The following TTC39B variants were observed in gnomAD, a reference collection of about 807,000 sequenced individuals.
TTC39B encodes the protein tetratricopeptide repeat protein 39B.
In TTC39B, 92 loss-of-function variants were observed where a neutral mutation model predicts 96.6. The ratio of observed to expected loss-of-function variants is 0.95; its 90% CI spans 0.80 to 1.13. The LOEUF (loss-of-function observed/expected upper bound fraction) is 1.13, where lower values mean the gene tolerates loss of function less well. Among genes scored for constraint, TTC39B ranks in the 50% most tolerant of loss-of-function variants. TTC39B has a pLI of 0.00. For synonymous variants in TTC39B, 367 were observed against 299.4 expected (o/e 1.23, Z -2.33); for missense variants, 955 against 809.3 (o/e 1.18, Z -2.18).
intron 2 of TTC39B, among the ~76,000 whole-genome samples, chr9:15,243,382 G>C (rs534774168): frequency 1.4e-4 from 22 of 152,292 alleles, no homozygotes; most frequent in African/African-American, 5.3e-4. Context: ...AAGGAGAACA[G>C]TTGAAAAGAA....
At chr9:15,199,967 A>T in intron 7 of TTC39B, 42 bp from the exon 8 acceptor site, 1 of 1,177,312 alleles carries the variant, frequency 8.5e-7, no homozygotes, top group South Asian at 1.4e-5. Context: ...TTTAGCAAAA[A>T]ATTTTAAATT....
intron 6 of TTC39B, among the ~76,000 whole-genome samples, chr9:15,207,989 A>G (rs1317068443): frequency 1.1e-5 from 1 of 87,502 alleles, no homozygotes; most frequent in African/African-American, 3.9e-5. Flanking sequence ...GTCTCAAAAA[A>G]AAAAAAAAAA....
At chr9:15,181,765 T>C (rs1564315536) in intron 17 of TTC39B, among the ~76,000 whole-genome samples, 1 of 152,238 alleles carries the variant, frequency 6.6e-6, no homozygotes, top group South Asian at 2.1e-4. Flanking sequence ...CGTTTCCTTG[T>C]GCTGCGCTAA....
chr9:15,217,278 C>T lies in TTC39B; in HGVS notation c.372-3029G>A, dbSNP rs936063398. Among the ~76,000 whole-genome samples the T allele has an allele frequency of 4.6e-5, 7 of 152,168 alleles. No homozygotes were observed. In the East Asian group the frequency reaches 7.7e-4, roughly 17 times the overall value. ...TCCCATTTTAACTCCTGCCAATTCT[C>T]GCTAAGGTTACACCTCATCCTTCAT... is the stretch of plus-strand genomic sequence containing the variant. On this transcript the variant is annotated intron_variant, in intron 3 of 19. Coordinates refer to ENST00000512701, the Ensembl canonical transcript of TTC39B.
chr9:15,272,741 T>G (rs567722395), intron 1 of TTC39B, among the ~76,000 whole-genome samples: 1 of 152,222 alleles, frequency 6.6e-6, no homozygotes, highest in Non-Finnish European at 1.5e-5. Context: ...CACAGTACTC[T>G]GTACTTCATG....
rs772844077 is a variant in TTC39B, at chr9:15,185,494, GACC to G, written c.1488-91_1488-89del. The G allele has an allele frequency of 4.5e-6, 7 of 1,568,962 alleles. No homozygotes were observed. In the Admixed American group the frequency reaches 1.3e-4, roughly 29 times the overall value. On this transcript the variant is annotated intron_variant, in intron 15 of 19. Transcript: ENST00000512701. ...TGTGGTTTTCACAGTGAACTTCACA[GACC>G]ACCAGCAGCAGCAGCAGCATCACCT...
At chr9:15,174,665 T>C (rs1457675827) in intron 19 of TTC39B, among the ~76,000 whole-genome samples, 3 of 152,222 alleles carry the variant, frequency 2.0e-5, no homozygotes, top group Non-Finnish European at 4.4e-5. Context: ...TTTGATATAA[T>C]GGAGTAGTTG....
intron 6 of TTC39B, among the ~76,000 whole-genome samples, chr9:15,205,822 C>T (rs905018559): frequency 1.3e-5 from 2 of 151,874 alleles, no homozygotes; most frequent in Non-Finnish European, 2.9e-5. Flanking sequence ...GTGATGGCAG[C>T]GGTGGGGGAG....
intron 6 of TTC39B, among the ~76,000 whole-genome samples, chr9:15,205,654 T>C (rs575773263): frequency 7.9e-5 from 12 of 152,364 alleles, no homozygotes; most frequent in Admixed American, 2.6e-4. Context: ...TTCAGCGGGA[T>C]ACCAACTGGT....
intron 16 of TTC39B, chr9:15,183,462 TAC>T (rs1588853306): frequency 1.3e-3 from 232 of 174,630 alleles, no homozygotes; most frequent in South Asian, 2.5e-3. Flanking sequence ...AATTCCTAGG[TAC>T]AAAAAAAAAA....
At chr9:15,204,011 C>T (rs901059168) in intron 6 of TTC39B, 121 bp from the exon 7 acceptor site, 9 of 760,262 alleles carry the variant, frequency 1.2e-5, no homozygotes, top group Non-Finnish European at 1.8e-5. Context: ...CTTAGATTGC[C>T]CTTGTGCTTC....
intron 8 of TTC39B, among the ~76,000 whole-genome samples, chr9:15,194,920 A>T (rs1819067215): frequency 6.6e-6 from 1 of 152,202 alleles, no homozygotes; most frequent in African/African-American, 2.4e-5. Flanking sequence ...ACAAAATTGA[A>T]ATTAGGCCAG....
intron 2 of TTC39B, among the ~76,000 whole-genome samples, chr9:15,230,319 A>C (rs539874319): frequency 2.1e-5 from 3 of 145,682 alleles, no homozygotes; most frequent in Non-Finnish European, 3.0e-5. Flanking sequence ...GACTATCACC[A>C]CAATCTAATT....
intron 16 of TTC39B, among the ~76,000 whole-genome samples, chr9:15,183,059 T>G (rs1245499793): frequency 6.6e-6 from 1 of 152,214 alleles, no homozygotes; most frequent in Non-Finnish European, 1.5e-5. Flanking sequence ...AAAATATTTT[T>G]CTAATGTTCC....
intron 19 of TTC39B, among the ~76,000 whole-genome samples, chr9:15,174,414 C>G (rs2118455803): frequency 6.6e-6 from 1 of 152,290 alleles, no homozygotes; most frequent in South Asian, 2.1e-4. Flanking sequence ...TTTGCCTTAC[C>G]TAAGTGATCC....
intron 2 of TTC39B, among the ~76,000 whole-genome samples, chr9:15,266,185 C>T (rs1000180188): frequency 4.0e-5 from 6 of 151,516 alleles, no homozygotes; most frequent in Admixed American, 2.0e-4. Context: ...ACTACCTCCT[C>T]AATAATTCTG....
chr9:15,232,273 A>T (rs1821466304), intron 2 of TTC39B: 1 of 152,740 alleles, frequency 6.5e-6, no homozygotes, highest in East Asian at 1.9e-4. Flanking sequence ...ACCTGCAGAC[A>T]GAATCGCGCA....
intron 1 of TTC39B, among the ~76,000 whole-genome samples, chr9:15,285,146 TC>T: frequency 6.6e-6 from 1 of 151,982 alleles, no homozygotes; most frequent in Non-Finnish European, 1.5e-5. Flanking sequence ...GCGCCTGTAG[TC>T]CCAGCTACTC....
At chr9:15,296,354 C>G (rs1176041140) in intron 1 of TTC39B, among the ~76,000 whole-genome samples, 5 of 152,158 alleles carry the variant, frequency 3.3e-5, no homozygotes, top group African/African-American at 1.2e-4. Context: ...AAAACTGTAC[C>G]TTAGAAATGG....
Sources: allele counts gnomAD v4.1 joint callset (sites outside exome capture counted in the v4.1 genomes callset), GRCh38; gene constraint gnomAD v4.1.1; transcripts MANE v1.5; gene names NCBI Gene and HGNC (gene_info 2026-07-23, HGNC 2026-07-21).